The following DOCK3 variants were observed in gnomAD, a reference collection of about 807,000 sequenced individuals.
DOCK3 encodes the protein dedicator of cytokinesis 3, also known as dedicator of cytokinesis protein 3.
In DOCK3, 60 loss-of-function variants were observed where a neutral mutation model predicts 265.6. The observed-to-expected ratio is 0.23, with a 90% CI of 0.18 to 0.28. The LOEUF is 0.28. Among genes scored for constraint, DOCK3 ranks in the 10% least tolerant of loss-of-function variants. DOCK3 has a pLI of 1.00. For missense variants in DOCK3, 1,981 were observed against 2,594.3 expected (o/e 0.76, Z 5.14); for synonymous variants, 881 against 938.0 (o/e 0.94, Z 1.11).
intron 27 of DOCK3, 62 bp from the exon 28 acceptor site, chr3:51,310,170 G>C (rs1652845975): frequency 7.6e-7 from 1 of 1,322,218 alleles, no homozygotes; most frequent in Admixed American, 2.0e-5. Context: ...GCCAGGAGTG[G>C]CCTATTGAGG....
chr3:51,199,648 G>A (rs1422449686), intron 12 of DOCK3, among the ~76,000 whole-genome samples: 2 of 152,234 alleles, frequency 1.3e-5, no homozygotes, highest in Non-Finnish European at 2.9e-5. Flanking sequence ...AACCTCTGCA[G>A]ACTTAAATGT....
chr3:51,276,304 C>A, intron 25 of DOCK3: 1 of 930,976 alleles, frequency 1.1e-6, no homozygotes, highest in Non-Finnish European at 1.3e-6. Flanking sequence ...TTCTTCCCAC[C>A]AGGCCTCAGA....
At chr3:51,012,091 A>T (rs2078975967) in intron 5 of DOCK3, among the ~76,000 whole-genome samples, 1 of 152,214 alleles carries the variant, frequency 6.6e-6, no homozygotes, top group Non-Finnish European at 1.5e-5. Flanking sequence ...TTGAGGAGGC[A>T]GTCTGTCAGT....
intron 4 of DOCK3, among the ~76,000 whole-genome samples, chr3:50,892,300 G>T (rs2048678654): frequency 6.6e-6 from 1 of 152,018 alleles, no homozygotes; most frequent in African/African-American, 2.4e-5. Flanking sequence ...CAGCAATTTG[G>T]CAGAATAAGA....
intron 1 of DOCK3, among the ~76,000 whole-genome samples, chr3:50,754,420 C>A (rs2040029008): frequency 1.3e-5 from 2 of 152,022 alleles, no homozygotes; most frequent in African/African-American, 4.8e-5. Context: ...CTGTACATTA[C>A]CCCTTGCATC....
At chr3:51,312,687 G>C in intron 30 of DOCK3, 111 bp downstream of exon 30, 2 of 1,262,830 alleles carry the variant, frequency 1.6e-6, no homozygotes, top group Non-Finnish European at 2.2e-6. Flanking sequence ...GGTTTCCCAG[G>C]GGCCCAAGTG....
intron 5 of DOCK3, among the ~76,000 whole-genome samples, chr3:51,059,986 T>G (rs2081353852): frequency 6.6e-6 from 1 of 152,074 alleles, no homozygotes; most frequent in South Asian, 2.1e-4. Flanking sequence ...AACCACACAG[T>G]CACATTCTGC....
intron 2 of DOCK3, among the ~76,000 whole-genome samples, chr3:50,833,519 C>T (rs953192089): frequency 6.6e-6 from 1 of 152,140 alleles, no homozygotes; most frequent in African/African-American, 2.4e-5. Context: ...CAAGCCCAGC[C>T]ATGGGTTTGT....
chr3:51,020,755 G>C (rs1333597917), intron 5 of DOCK3, among the ~76,000 whole-genome samples: 1 of 151,776 alleles, frequency 6.6e-6, no homozygotes, highest in East Asian at 1.9e-4. Flanking sequence ...TTTTTGTCAG[G>C]TTTGTCGAAG....
At position 51,120,530 on chromosome 3, in the gene DOCK3, G is replaced by A. The variant is rs145863263; in HGVS notation, c.747-26019G>A. 8.5e-5 allele frequency among the ~76,000 whole-genome samples: 13 copies of A among 152,308 alleles called. No individual in the cohort carries two copies. The East Asian group carries it at 2.5e-3, about 29-fold the overall frequency. On this transcript the variant is annotated intron_variant, in intron 9 of 52. Coordinates refer to ENST00000266037, the MANE Select transcript of DOCK3 (RefSeq NM_004947.5). ...TTGCTGCTCTCTGCAGAGCTGGCAG[G>A]CAGAAACGTTTATGTCTGCTGAAGC...
chr3:50,858,099 T>C (rs1440968817), intron 3 of DOCK3, among the ~76,000 whole-genome samples: 1 of 152,016 alleles, frequency 6.6e-6, no homozygotes, highest in Admixed American at 6.5e-5. Context: ...TATGCAGCCA[T>C]AAAAAAGGAT....
At chr3:50,858,827 A>G (rs1258193120) in intron 3 of DOCK3, among the ~76,000 whole-genome samples, 3 of 152,170 alleles carry the variant, frequency 2.0e-5, no homozygotes. Flanking sequence ...ATAATTTTAT[A>G]CTTCTCAGAG....
At chr3:51,053,104 T>G (rs1334854490) in intron 5 of DOCK3, among the ~76,000 whole-genome samples, 38 of 121,052 alleles carry the variant, frequency 3.1e-4, no homozygotes, top group Non-Finnish European at 6.3e-4. Context: ...TATATATATA[T>G]ATATATATAT....
At chr3:51,358,694 T>A (rs1465299759) in intron 46 of DOCK3, among the ~76,000 whole-genome samples, 1 of 151,756 alleles carries the variant, frequency 6.6e-6, no homozygotes, top group Non-Finnish European at 1.5e-5. Context: ...CTTAAAGGAG[T>A]CAAGCAGGTC....
At chr3:51,021,748 G>A (rs1011325209) in intron 5 of DOCK3, among the ~76,000 whole-genome samples, 1 of 147,484 alleles carries the variant, frequency 6.8e-6, no homozygotes, top group Non-Finnish European at 1.5e-5. Flanking sequence ...TGCAACTTCC[G>A]CCTCCTGCAT....
chr3:51,376,613 G>C (rs2110564070), intron 51 of DOCK3, among the ~76,000 whole-genome samples: 1 of 152,304 alleles, frequency 6.6e-6, no homozygotes, highest in South Asian at 2.1e-4. Flanking sequence ...TCTCCTCACA[G>C]GTTCTCTGCC....
intron 19 of DOCK3, 64 bp from the exon 20 acceptor site, chr3:51,236,281 T>A (rs534502933): frequency 5.0e-6 from 6 of 1,212,026 alleles, no homozygotes; most frequent in Non-Finnish European, 7.3e-6. Flanking sequence ...AATTCATTGA[T>A]TTATGGAAGT....
At chr3:51,325,168 A>G (rs761504004) in intron 32 of DOCK3, among the ~76,000 whole-genome samples, 7 of 152,196 alleles carry the variant, frequency 4.6e-5, no homozygotes, top group Non-Finnish European at 8.8e-5. Flanking sequence ...CAATCTATCC[A>G]TCTGACAAAG....
At chr3:51,358,178 G>C in intron 46 of DOCK3, 101 bp downstream of exon 46, 1 of 1,215,292 alleles carries the variant, frequency 8.2e-7, no homozygotes, top group Non-Finnish European at 1.2e-6. Context: ...AGGGAGCCTG[G>C]GCAGGGGCCG....
Sources: gnomAD v4.1 joint callset for allele counts (sites outside exome capture counted in the v4.1 genomes callset) on GRCh38, gnomAD v4.1.1 for gene constraint, MANE v1.5 for transcripts, NCBI Gene and HGNC (gene_info 2026-07-23, HGNC 2026-07-21) for gene names.